RPTOR: variants seen among roughly 807,000 people sequenced by gnomAD.
The protein encoded by RPTOR is regulatory-associated protein of mTOR.
In RPTOR, 21 loss-of-function variants were observed where a neutral mutation model predicts 169.9. The observed-to-expected ratio is 0.12, with a 90% CI of 0.09 to 0.18. RPTOR has a LOEUF of 0.18. Among genes scored for constraint, RPTOR ranks in the 10% least tolerant of loss-of-function variants. RPTOR has a pLI of 1.00. For synonymous variants in RPTOR, 732 were observed against 753.2 expected (o/e 0.97, Z 0.46); for missense variants, 1,133 against 1,855.9 (o/e 0.61, Z 7.16).
At chr17:80,556,457 T>A (rs2084409193) in intron 1 of RPTOR, among the ~76,000 whole-genome samples, 1 of 151,972 alleles carries the variant, frequency 6.6e-6, no homozygotes, top group African/African-American at 2.4e-5. Context: ...GCTGCAGTAG[T>A]AAGCTATGAT....
At chr17:80,894,865 C>T (rs1432084507) in intron 20 of RPTOR, among the ~76,000 whole-genome samples, 1 of 152,208 alleles carries the variant, frequency 6.6e-6, no homozygotes, top group East Asian at 1.9e-4. Flanking sequence ...TTACACTTTC[C>T]CTCCCTGGCC....
chr17:80,678,026 G>A (rs2065872620), intron 3 of RPTOR, among the ~76,000 whole-genome samples: 1 of 152,190 alleles, frequency 6.6e-6, no homozygotes, highest in African/African-American at 2.4e-5. Context: ...AAGGAGAAAA[G>A]TAAACTTTGT....
chr17:80,893,447 G>C (rs1215482250), intron 19 of RPTOR, among the ~76,000 whole-genome samples: 1 of 146,346 alleles, frequency 6.8e-6, no homozygotes, highest in Non-Finnish European at 1.5e-5. Flanking sequence ...TGTGTACTGG[G>C]TGTGTATACG....
At position 80,892,835 on chromosome 17, in the gene RPTOR, C is replaced by T. The variant is rs1389045950; in HGVS notation, c.2208C>T (p.Asn736=). ...CTGTCGCCACAGCCAGGAGCCTCAACAAATCTTTGCAGAACCTGAGTTTGA... is the reference window on the plus strand; with the variant it reads ...CTGTCGCCACAGCCAGGAGCCTCAATAAATCTTTGCAGAACCTGAGTTTGA... ...IRAVATARSL[N]KSLQNLSLTE... is the part of the protein sequence containing the mutation. The change falls in exon 19 of 34, where the codon AAC becomes AAT. Residue 736 remains asparagine, a synonymous_variant. Transcript: ENST00000306801. 6 of 1,614,200 alleles carry T rather than the reference C, an allele frequency of 3.7e-6. No homozygotes were observed.
At chr17:80,586,162 C>T (rs2065059227) in intron 1 of RPTOR, among the ~76,000 whole-genome samples, 1 of 152,120 alleles carries the variant, frequency 6.6e-6, no homozygotes, top group African/African-American at 2.4e-5. Flanking sequence ...TTGTTTGGTT[C>T]AACTGGGAAG....
intron 9 of RPTOR, among the ~76,000 whole-genome samples, chr17:80,832,651 T>G (rs1438626150): frequency 6.6e-6 from 1 of 152,174 alleles, no homozygotes; most frequent in Non-Finnish European, 1.5e-5. Context: ...AACTGAGGAC[T>G]GAGCTGCTGT....
At chr17:80,912,673 G>A (rs951879168) in intron 21 of RPTOR, among the ~76,000 whole-genome samples, 3 of 152,176 alleles carry the variant, frequency 2.0e-5, no homozygotes, top group African/African-American at 4.8e-5. Context: ...TGGATTGTGT[G>A]TGACATGTAG....
chr17:80,680,373 A>G (rs538759596), intron 3 of RPTOR, among the ~76,000 whole-genome samples: 1 of 152,176 alleles, frequency 6.6e-6, no homozygotes, highest in Non-Finnish European at 1.5e-5. Flanking sequence ...CGGTGGCTCA[A>G]GCCTGTAATC....
intron 5 of RPTOR, among the ~76,000 whole-genome samples, chr17:80,747,735 T>C (rs969360522): frequency 1.3e-5 from 2 of 152,222 alleles, no homozygotes; most frequent in African/African-American, 2.4e-5. Flanking sequence ...AGACACAGAC[T>C]TCTTGGTCCC....
intron 5 of RPTOR, 146 bp from the exon 6 acceptor site, chr17:80,753,864 G>A (rs1481614392): frequency 1.5e-5 from 11 of 751,010 alleles, no homozygotes; most frequent in African/African-American, 3.5e-5. Context: ...GTTCAGCAGC[G>A]ACGCCTCTCT....
chr17:80,654,298 C>T (rs1026143892), intron 3 of RPTOR, among the ~76,000 whole-genome samples: 2 of 152,242 alleles, frequency 1.3e-5, no homozygotes, highest in Non-Finnish European at 2.9e-5. Flanking sequence ...ACAGAGGAGC[C>T]ATGGAGGCAG....
At chr17:80,624,131 A>C (rs925202461) in intron 1 of RPTOR, among the ~76,000 whole-genome samples, 4 of 152,182 alleles carry the variant, frequency 2.6e-5, no homozygotes, top group Non-Finnish European at 5.9e-5. Context: ...CAATTAAATT[A>C]ATGTTAACTG....
Position 80,823,168 on chromosome 17 carries a change from A to G in RPTOR, c.1081A>G (p.Asn361Asp), listed in dbSNP as rs1228428421. ...LLAERIMRSY[N>D]CTPVSSPRLP... ...GGCGGAAAGGATTATGAGGTCGTATAACTGCACTCCCGTCAGCAGCCCGCG... is the reference window on the plus strand; with the variant it reads ...GGCGGAAAGGATTATGAGGTCGTATGACTGCACTCCCGTCAGCAGCCCGCG... The change falls in exon 9 of 34, where the codon AAC becomes GAC. Residue 361 changes from asparagine to aspartate, a missense_variant. Coordinates refer to ENST00000306801, the MANE Select transcript of RPTOR (RefSeq NM_020761.3). This position sits in a 1 kb window ranked among gnomAD's most constrained non-coding sequence, Gnocchi z 4.5. The G allele has an allele frequency of 6.2e-7, 1 of 1,614,160 alleles. No individual in the cohort carries two copies. Among genetic ancestry groups the G allele is most frequent in the Non-Finnish European group, 8.5e-7 (1 of 1,180,026 alleles).
rs576853168 is a variant in RPTOR, at chr17:80,863,900, A to G, written c.1509+6000A>G. ...GTGCCATGGCACTCCAGCCTAGGGA[A>G]CAGAGTGAGGCCCTGCCTCAAAGAA... is the stretch of plus-strand genomic sequence containing the variant. On this transcript the variant is annotated intron_variant, in intron 13 of 33. Coordinates refer to ENST00000306801, the MANE Select transcript of RPTOR (RefSeq NM_020761.3). Among the ~76,000 whole-genome samples the G allele has an allele frequency of 2.3e-3, 344 of 152,358 alleles. 1 individual carries two copies. Among genetic ancestry groups the G allele is most frequent in the Non-Finnish European group, 4.1e-3 (280 of 68,032 alleles).
Position 80,791,486 on chromosome 17 carries a change from C to T in RPTOR, c.867C>T (p.Gly289=), listed in dbSNP as rs754142944. Residue 289 remains glycine, a synonymous_variant, in exon 7 of 34, where the codon GGC becomes GGT. Coordinates refer to ENST00000306801, the MANE Select transcript of RPTOR (RefSeq NM_020761.3). ...CMQKCVSLVP[G]VTLDLIEKIP... is the part of the protein sequence containing the mutation. ...AGAAATGTGTCAGTCTGGTGCCTGGCGTCACACTGGATTTGATAGAAAAGT... is the reference window on the plus strand; with the variant it reads ...AGAAATGTGTCAGTCTGGTGCCTGGTGTCACACTGGATTTGATAGAAAAGT... 10 of 1,613,640 alleles carry T rather than the reference C, an allele frequency of 6.2e-6. No individual in the cohort carries two copies. Among genetic ancestry groups the T allele is most frequent in the Admixed American group, 3.3e-5 (2 of 59,886 alleles).
At chr17:80,750,066 G>GAT (rs1311946024) in intron 5 of RPTOR, among the ~76,000 whole-genome samples, 1 of 151,050 alleles carries the variant, frequency 6.6e-6, no homozygotes, top group Non-Finnish European at 1.5e-5. Context: ...TGCCCAGGCT[G>GAT]ATCTTGAACT....
At position 80,572,798 on chromosome 17, in the gene RPTOR, G is replaced by A. The variant is rs953410885; in HGVS notation, c.162+27007G>A. Among the ~76,000 whole-genome samples the A allele has an allele frequency of 3.9e-5, 6 of 152,132 alleles. No homozygotes were observed. In the East Asian group the frequency reaches 9.6e-4, roughly 24 times the overall value. On this transcript the variant is annotated intron_variant, in intron 1 of 33. Coordinates refer to ENST00000306801, the MANE Select transcript of RPTOR (RefSeq NM_020761.3). ...CTTGTTTTTTCATGTTCCTTATGGG[G>A]TCTTTTGACATTCTCCATTTTAATA...
Position 80,841,896 on chromosome 17 carries a change from C to T in RPTOR, c.1212+3899C>T, listed in dbSNP as rs376824685. ...CGCACCGCAGCTCACTCTTACCGCA[C>T]GGCAGCTCACTCTCACCGCACGGCA... is the stretch of plus-strand genomic sequence containing the variant. On this transcript the variant is annotated intron_variant, in intron 10 of 33. Coordinates refer to ENST00000306801, the MANE Select transcript of RPTOR (RefSeq NM_020761.3). 8.7e-4 allele frequency among the ~76,000 whole-genome samples: 112 copies of T among 128,434 alleles called. 4 individuals carry two copies. The highest frequency in any genetic ancestry group is 2.7e-3 in the Admixed American group (36 of 13,194). The allele number at this position is 128,434 out of a possible 152,430, so 84.3% of individuals were successfully genotyped here.
intron 10 of RPTOR, among the ~76,000 whole-genome samples, chr17:80,842,046 C>T (rs2067676063): frequency 6.6e-6 from 1 of 152,206 alleles, no homozygotes; most frequent in Admixed American, 6.5e-5. Flanking sequence ...CACCACACGG[C>T]AGCTCACACT....
Sources: allele counts gnomAD v4.1 joint callset (sites outside exome capture counted in the v4.1 genomes callset), GRCh38; gene constraint gnomAD v4.1.1; non-coding constraint Gnocchi (gnomAD v3.1); transcripts MANE v1.5; gene names NCBI Gene and HGNC (gene_info 2026-07-23, HGNC 2026-07-21).